The following ASH1L variants were observed in gnomAD, a reference collection of about 807,000 sequenced individuals.
ASH1L encodes the protein ASH1 like histone lysine methyltransferase, also known as histone-lysine N-methyltransferase ASH1L.
A neutral mutation model predicts 269.0 loss-of-function variants in ASH1L; 23 were observed. The ratio of observed to expected loss-of-function variants is 0.09; its 90% CI spans 0.06 to 0.12. The LOEUF is 0.12. ASH1L is among the 10% of genes least tolerant of loss of function. The pLI, the probability that ASH1L is intolerant of heterozygous loss-of-function variation, is 1.00. For missense variants in ASH1L, 2,912 were observed against 3,567.8 expected (o/e 0.82, Z 4.68); for synonymous variants, 1,187 against 1,253.5 (o/e 0.95, Z 1.12).
In ASH1L at chr1:155,343,015, C is replaced by CT. The variant is rs571898394; in HGVS notation, c.8293+298dup. The stretch of plus-strand genomic sequence containing the variant: ...ACAGGAGACATGAGGTCATTGAAGT[C>CT]TTTTTTTTTTTTTTGAGGCAGGGTT... On this transcript the variant is annotated intron_variant, in intron 24 of 27. Coordinates refer to ENST00000392403, the MANE Select transcript of ASH1L (RefSeq NM_018489.3). The surrounding 1 kb of genome is among the most constrained non-coding windows in gnomAD (Gnocchi z 6.1). 3,072 of 191,480 alleles carry CT rather than the reference C, an allele frequency of 0.016. 3 individuals are homozygous for CT. Among genetic ancestry groups the CT allele is most frequent in the East Asian group, 0.032 (253 of 7,986 alleles). 11.9% of individuals were successfully genotyped at this position (191,480 alleles called of 1,614,324 possible).
intron 3 of ASH1L, among the ~76,000 whole-genome samples, chr1:155,476,847 C>G (rs1045916909): frequency 6.6e-6 from 1 of 152,186 alleles, no homozygotes; most frequent in East Asian, 1.9e-4. Context: ...GCCACTGCGC[C>G]TGGCCTAATG....
intron 1 of ASH1L, among the ~76,000 whole-genome samples, chr1:155,535,044 C>T (rs573340294): frequency 2.0e-5 from 3 of 152,048 alleles, no homozygotes; most frequent in Non-Finnish European, 4.4e-5. Context: ...CAAAAATTAG[C>T]GGGACATGGT....
intron 8 of ASH1L, 108 bp from the exon 9 acceptor site, chr1:155,378,656 G>T: frequency 2.3e-6 from 2 of 854,268 alleles, no homozygotes; most frequent in Non-Finnish European, 3.7e-6. Context: ...TGCTCATCTG[G>T]AAATATTTAC....
At chr1:155,475,751 C>T (rs1665488810) in intron 3 of ASH1L, among the ~76,000 whole-genome samples, 1 of 152,148 alleles carries the variant, frequency 6.6e-6, no homozygotes, top group African/African-American at 2.4e-5. Flanking sequence ...ATGAATGAGT[C>T]TGTTTATCCA....
At chr1:155,514,185 C>CA (rs1472496967) in intron 2 of ASH1L, among the ~76,000 whole-genome samples, 10 of 151,954 alleles carry the variant, frequency 6.6e-5, no homozygotes, top group South Asian at 2.1e-4. Flanking sequence ...TGGAAAATGT[C>CA]AAAAAAAGAT....
chr1:155,453,468 T>C (rs1263941680), intron 4 of ASH1L, among the ~76,000 whole-genome samples: 1 of 152,228 alleles, frequency 6.6e-6, no homozygotes, highest in Non-Finnish European at 1.5e-5. Context: ...GTCATAATAA[T>C]GGCAGGAGGG....
intron 2 of ASH1L, among the ~76,000 whole-genome samples, chr1:155,497,748 A>ATT (rs200209564): frequency 1.9e-4 from 29 of 150,276 alleles, no homozygotes; most frequent in African/African-American, 5.9e-4. Flanking sequence ...AAAGAAGAAA[A>ATT]TTCTTTTTTT....
chr1:155,530,517 G>T (rs1268007648), intron 1 of ASH1L, among the ~76,000 whole-genome samples: 1 of 151,858 alleles, frequency 6.6e-6, no homozygotes, highest in Non-Finnish European at 1.5e-5. Flanking sequence ...CTTGAGGTCA[G>T]GAGTTTGAGA....
intron 2 of ASH1L, among the ~76,000 whole-genome samples, chr1:155,487,058 G>A (rs1255843034): frequency 2.6e-5 from 4 of 152,046 alleles, no homozygotes; most frequent in Non-Finnish European, 4.4e-5. Context: ...CCAGCTACTC[G>A]GAAGGCTGAG....
intron 4 of ASH1L, among the ~76,000 whole-genome samples, chr1:155,454,684 C>T (rs906058971): frequency 3.3e-5 from 5 of 152,148 alleles, no homozygotes; most frequent in African/African-American, 1.2e-4. Flanking sequence ...AGGAGAATCG[C>T]ATGAACCTGG....
intron 1 of ASH1L, among the ~76,000 whole-genome samples, chr1:155,553,755 C>T (rs969925593): frequency 4.6e-5 from 7 of 151,722 alleles, no homozygotes; most frequent in African/African-American, 1.7e-4. Context: ...AAATGTATTA[C>T]ATAATATTAC....
At chr1:155,422,676 T>G (rs1424257835) in intron 5 of ASH1L, among the ~76,000 whole-genome samples, 1 of 149,262 alleles carries the variant, frequency 6.7e-6, no homozygotes, top group Admixed American at 6.7e-5. Context: ...TGAGACTGAG[T>G]TTTACTCTGC....
rs1177433453 is a variant in ASH1L, at chr1:155,481,571, C to G, written c.1299G>C (p.Gln433His). ...TACTACAAGAAGCCTTAAGCGGTTC[C>G]TGAGTGGGGAGCAGTGCTTCGGCTT... ...NLKAEALLPT[Q>H]EPLKASCSTN... is the part of the protein sequence containing the mutation. The change falls in exon 3 of 28, where the codon CAG (glutamine) becomes CAC (histidine). Residue 433 changes from glutamine (Q) to histidine (H), a missense_variant. This residue lies in a region of ASH1L where 715 missense variants were observed against 721.0 expected (regional missense o/e 0.99). Transcript: ENST00000392403. 2 of 1,614,034 alleles carry G rather than the reference C, an allele frequency of 1.2e-6. No homozygotes were observed. Among genetic ancestry groups the G allele is most frequent in the Admixed American group, 3.3e-5 (2 of 59,998 alleles).
intron 3 of ASH1L, among the ~76,000 whole-genome samples, chr1:155,463,239 T>G (rs1429013250): frequency 6.6e-6 from 1 of 151,820 alleles, no homozygotes; most frequent in African/African-American, 2.4e-5. Context: ...CAGAGCAGAG[T>G]CGAGTGCGAT....
At chr1:155,460,347 C>T (rs539388298) in intron 3 of ASH1L, among the ~76,000 whole-genome samples, 5 of 152,256 alleles carry the variant, frequency 3.3e-5, no homozygotes, top group African/African-American at 7.2e-5. Context: ...CAGTGGCTCA[C>T]GCCTGTAATC....
At chr1:155,356,593 C>T (rs1654406629) in intron 15 of ASH1L, among the ~76,000 whole-genome samples, 1 of 151,028 alleles carries the variant, frequency 6.6e-6, no homozygotes, top group South Asian at 2.1e-4. Flanking sequence ...CGAGATTGCA[C>T]CACTGCACTA....
intron 2 of ASH1L, among the ~76,000 whole-genome samples, chr1:155,486,100 C>T (rs1325945924): frequency 1.3e-5 from 2 of 152,184 alleles, no homozygotes; most frequent in Non-Finnish European, 2.9e-5. Context: ...CATTTGAACT[C>T]AACCAAAATA....
intron 26 of ASH1L, among the ~76,000 whole-genome samples, chr1:155,338,936 C>T (rs1367189276): frequency 6.6e-6 from 1 of 152,064 alleles, no homozygotes; most frequent in African/African-American, 2.4e-5. Context: ...ACAAAATAAG[C>T]AAAAATAAAA....
At chr1:155,463,241 G>A (rs1174364047) in intron 3 of ASH1L, among the ~76,000 whole-genome samples, 1 of 152,046 alleles carries the variant, frequency 6.6e-6, no homozygotes, top group Non-Finnish European at 1.5e-5. Flanking sequence ...GAGCAGAGTC[G>A]AGTGCGATAT....
Sources: allele counts gnomAD v4.1 joint callset (sites outside exome capture counted in the v4.1 genomes callset), GRCh38; gene constraint gnomAD v4.1.1; regional missense constraint gnomAD v4.1.1; non-coding constraint Gnocchi (gnomAD v3.1); transcripts MANE v1.5; gene names NCBI Gene and HGNC (gene_info 2026-07-23, HGNC 2026-07-21).